Variants in MUTYH observed in about 807,000 individuals in gnomAD.
MUTYH encodes the protein mutY DNA glycosylase.
A neutral mutation model predicts 72.9 loss-of-function variants in MUTYH; 64 were observed. The observed-to-expected ratio is 0.88, with a 90% CI of 0.72 to 1.08. The LOEUF (loss-of-function observed/expected upper bound fraction) is 1.08, where lower values mean the gene tolerates loss of function less well. MUTYH is among the 50% of genes least tolerant of loss of function. The pLI is 0.00. For missense variants in MUTYH, 633 were observed against 671.0 expected (o/e 0.94, Z 0.63); for synonymous variants, 234 against 263.1 (o/e 0.89, Z 1.07).
chr1:45,330,439 A>G (rs1644598741), intron 15 of MUTYH, 77 bp downstream of exon 15: 3 of 1,454,916 alleles, frequency 2.1e-6, no homozygotes, highest in Non-Finnish European at 1.9e-6. Context: ...TCACCCAGAC[A>G]TTCGTTAGTT....
At position 45,331,494 on chromosome 1, in the gene MUTYH, G is replaced by T. The variant is rs773370513; in HGVS notation, c.1165C>A (p.Arg389Ser). ...TGTAGTTCCTGCAGCAGGGCCTTGC[G>T]CTGAAGCTGCTCTGAGGGCTCCCAG... ...VTWEPSEQLQ[R>S]KALLQELQRW... The change falls in exon 13 of 16, where the codon CGC becomes AGC. Residue 389 changes from arginine (R) to serine (S), a missense_variant. Arg to Ser is a moderately radical substitution (Grantham distance 110). Transcript: ENST00000456914. The T allele has an allele frequency of 6.2e-7, 1 of 1,614,130 alleles. No homozygotes were observed. The highest frequency in any genetic ancestry group is 8.5e-7 in the Non-Finnish European group (1 of 1,180,032).
At chr1:45,340,101 G>A (rs1646776409), upstream of MUTYH, 1 of 1,551,422 alleles carries the variant, frequency 6.4e-7, no homozygotes, top group African/African-American at 1.4e-5. Context: ...TGCCTTCCCC[G>A]CGCCGGACCC....
intron 15 of MUTYH, among the ~76,000 whole-genome samples, chr1:45,330,298 C>T (rs1323574426): frequency 6.7e-6 from 1 of 149,550 alleles, no homozygotes; most frequent in Non-Finnish European, 1.5e-5. Flanking sequence ...TCAGTACAGG[C>T]ATTTCACACA....
chr1:45,339,199 A>G (rs1452510154), intron 1 of MUTYH, among the ~76,000 whole-genome samples: 8 of 148,680 alleles, frequency 5.4e-5, no homozygotes, highest in African/African-American at 2.0e-4. Context: ...CTAGTCTCCA[A>G]TAGGAATTTT....
upstream of MUTYH, chr1:45,340,337 C>T (rs28372898): frequency 2.6e-5 from 42 of 1,598,426 alleles, no homozygotes; most frequent in East Asian, 7.8e-4. Context: ...CCTTCAAAGC[C>T]TCTGCGCTCT....
Position 45,333,535 on chromosome 1 carries a change from C to A in MUTYH, c.142G>T (p.Val48Leu), listed in dbSNP as rs1553130405. ...TATGAGGAGACAGAGGCCTGCAATA[C>A]CACCTCTTCCGGCTGCCTGGCCAGG... Reference protein sequence around the residue: ...DGLARQPEEVVLQASVSSYHL... With the variant: ...DGLARQPEEVLLQASVSSYHL... The change falls in exon 3 of 16, where the codon GTA (valine) becomes TTA (leucine). Residue 48 changes from valine (V) to leucine (L), a missense_variant. Physicochemically the swap from Val to Leu is conservative, Grantham distance 32. Coordinates refer to ENST00000456914, the MANE Select transcript of MUTYH (RefSeq NM_001048174.2). 6.2e-7 allele frequency: 1 copy of A among 1,614,084 alleles called. No individual in the cohort carries two copies. The highest frequency in any genetic ancestry group is 8.5e-7 in the Non-Finnish European group (1 of 1,179,938).
intron 15 of MUTYH, 97 bp from the exon 16 acceptor site, chr1:45,329,534 C>A (rs930374585): frequency 8.7e-6 from 13 of 1,493,500 alleles, no homozygotes; most frequent in Admixed American, 1.8e-5. Context: ...CTCTACTGAT[C>A]TAGCTAGGCT....
chr1:45,330,583 G>A, intron 14 of MUTYH, 26 bp from the exon 15 acceptor site: 4 of 1,602,150 alleles, frequency 2.5e-6, no homozygotes, highest in Non-Finnish European at 3.4e-6. Context: ...GGGAGGTGAG[G>A]GCTGGCACTT....
chr1:45,331,461 C>A lies in MUTYH; in HGVS notation c.1198G>T (p.Ala400Ser). 6.2e-7 allele frequency: 1 copy of A among 1,614,228 alleles called. No individual in the cohort carries two copies. Among genetic ancestry groups the A allele is most frequent in the South Asian group, 1.1e-5 (1 of 91,086 alleles). ...AGGTGCGTGGCTGGGAGGGGCCCAGCCCAACGCTGTAGTTCCTGCAGCAGG... is the reference window on the plus strand; with the variant it reads ...AGGTGCGTGGCTGGGAGGGGCCCAGACCAACGCTGTAGTTCCTGCAGCAGG... ...KALLQELQRWAGPLPATHLRH... is the reference protein window; with the variant it reads ...KALLQELQRWSGPLPATHLRH... The change falls in exon 13 of 16, where the codon GCT becomes TCT. Residue 400 changes from alanine (A) to serine (S), a missense_variant. Physicochemically the swap from Ala to Ser is moderately conservative, Grantham distance 99. Transcript: ENST00000456914.
Position 45,332,457 on chromosome 1 carries a change from C to T in MUTYH, c.638G>A (p.Arg213Gln), listed in dbSNP as rs1060501346. 23 of 1,614,106 alleles carry T rather than the reference C, an allele frequency of 1.4e-5. 1 individual carries two copies. In the South Asian group the frequency reaches 1.5e-4, roughly 11 times the overall value. Residue 213 changes from arginine (R) to glutamine (Q), a missense_variant, in exon 9 of 16, where the codon CGG becomes CAG. By Grantham distance (43) the Arg-to-Gln change is conservative. Transcript: ENST00000456914. ...ATGVVDGNVARVLCRVRAIGA... is the reference protein window; with the variant it reads ...ATGVVDGNVAQVLCRVRAIGA... The stretch of plus-strand genomic sequence containing the variant: ...AATGGCTCGGACACGGCACAGCACC[C>T]GTGCTACGTTGCCATCCACCACACC...
intron 1 of MUTYH, among the ~76,000 whole-genome samples, chr1:45,335,309 G>A (rs981176549): frequency 4.6e-5 from 7 of 152,092 alleles, no homozygotes; most frequent in African/African-American, 1.7e-4. Flanking sequence ...GGTTTATGGA[G>A]ATTAAGCGAC....
intron 15 of MUTYH, 23 bp downstream of exon 15, chr1:45,330,489 CGGTT>C: frequency 6.2e-7 from 1 of 1,603,060 alleles, no homozygotes; most frequent in East Asian, 2.2e-5. Flanking sequence ...TGGGGAGACA[CGGTT>C]GGGAGAGGCC....
intron 1 of MUTYH, among the ~76,000 whole-genome samples, chr1:45,335,666 G>A (rs1234289006): frequency 2.0e-5 from 3 of 151,880 alleles, no homozygotes; most frequent in Non-Finnish European, 2.9e-5. Flanking sequence ...AGACCAGCCT[G>A]GCCAACATGG....
intron 10 of MUTYH, 29 bp from the exon 11 acceptor site, chr1:45,332,115 G>A (rs372016262): frequency 6.2e-6 from 10 of 1,614,064 alleles, no homozygotes; most frequent in Non-Finnish European, 8.5e-6. Context: ...AGTGTCATAG[G>A]GCAGAGTCAC....
rs747614763 is a variant in MUTYH at position 45,331,297 on chromosome 1, T to G, written c.1277A>C (p.Gln426Pro). ...CCCTTCCAAGGCCAGCCCATATACTTGATATGTCAGCTTGATGTGAGAGAA... is the reference window on the plus strand; with the variant it reads ...CCCTTCCAAGGCCAGCCCATATACTGGATATGTCAGCTTGATGTGAGAGAA... ...HTFSHIKLTYQVYGLALEGQT... is the reference protein window; with the variant it reads ...HTFSHIKLTYPVYGLALEGQT... The change falls in exon 14 of 16, where the codon CAA (glutamine) becomes CCA (proline). Residue 426 changes from glutamine (Q) to proline (P), a missense_variant. Coordinates refer to ENST00000456914, the MANE Select transcript of MUTYH (RefSeq NM_001048174.2). 2.5e-6 allele frequency: 4 copies of G among 1,613,984 alleles called. No homozygotes were observed. In the East Asian group the frequency reaches 8.9e-5, roughly 36 times the overall value.
rs1060504206 is a variant in MUTYH at position 45,331,338 on chromosome 1, G to C, written c.1240-4C>G. 6.2e-7 allele frequency: 1 copy of C among 1,614,220 alleles called. No individual in the cohort carries two copies. Among genetic ancestry groups the C allele is most frequent in the Admixed American group, 1.7e-5 (1 of 60,030 alleles). ...TGTGAGAGAAGGTGTGGACAACCTG[G>C]AGGAAGGGTCAAGGGGTTCAAATAG... On this transcript the variant is annotated splice_region_variant and splice_polypyrimidine_tract_variant and intron_variant, in intron 13 of 15. Transcript: ENST00000456914.
rs1265874995 is a variant in MUTYH, at chr1:45,334,274, C to G, written c.115+117G>C. ...AAAGTGCTGGGATTACAGGTGTGAGCCACCGCACCTGGCCCTTAGTAAGTC... is the reference window on the plus strand; with the variant it reads ...AAAGTGCTGGGATTACAGGTGTGAGGCACCGCACCTGGCCCTTAGTAAGTC... On this transcript the variant is annotated intron_variant, in intron 2 of 15. Coordinates refer to ENST00000456914, the MANE Select transcript of MUTYH (RefSeq NM_001048174.2). The G allele has an allele frequency of 8.8e-6, 13 of 1,484,300 alleles. No homozygotes were observed. In the East Asian group the frequency reaches 2.8e-4, roughly 32 times the overall value. The allele number at this position is 1,484,300 out of a possible 1,614,324, so 91.9% of individuals were successfully genotyped here.
At position 45,332,199 on chromosome 1, in the gene MUTYH, G is replaced by A. The variant is rs753883191; in HGVS notation, c.816C>T (p.Cys272=). 1 of 1,614,192 alleles carries A rather than the reference G, an allele frequency of 6.2e-7. No individual in the cohort carries two copies. The highest frequency in any genetic ancestry group is 1.1e-5 in the South Asian group (1 of 91,088). The change falls in exon 10 of 16, where the codon TGC becomes TGT. Residue 272 remains cysteine (C), a synonymous_variant. Transcript: ENST00000456914. ...GTGCCCGGCACAGGCTCTCCACAGG[G>A]CACTGGCTGCACAGTGGGCGCTGTG... ...CTPQRPLCSQ[C]PVESLCRARQ...
rs143032909 is a variant in MUTYH, at chr1:45,331,068, G to C, written c.1392+114C>G. 4.8e-5 allele frequency: 68 copies of C among 1,423,514 alleles called. 2 individuals are homozygous for C. In the African/African-American group the frequency reaches 7.0e-4, roughly 15 times the overall value. 88.2% of individuals were successfully genotyped at this position (1,423,514 alleles called of 1,614,324 possible). A position where few individuals can be genotyped will look rare whatever the true frequency, so the allele number is the denominator to read the frequency against. On this transcript the variant is annotated intron_variant, in intron 14 of 15. Coordinates refer to ENST00000456914, the MANE Select transcript of MUTYH (RefSeq NM_001048174.2). ...CCATTGCACTCCAGCCTGGGCAACA[G>C]AGCGATTCTCCGTCTCAAAAAAAAA...
Sources: allele counts gnomAD v4.1 joint callset (sites outside exome capture counted in the v4.1 genomes callset), GRCh38; gene constraint gnomAD v4.1.1; transcripts MANE v1.5; gene names NCBI Gene and HGNC (gene_info 2026-07-23, HGNC 2026-07-21).